TANC2: variants seen among roughly 807,000 people sequenced by gnomAD.
The protein encoded by TANC2 is protein TANC2.
Under a neutral mutation model 210.5 loss-of-function variants are expected in TANC2, and 26 were observed. That is an observed-to-expected ratio of 0.12 (90% confidence interval 0.09 to 0.17). The LOEUF is 0.17. Ranked by LOEUF, TANC2 falls within the 10% of genes least tolerant of loss-of-function variation. The probability of loss-of-function intolerance (pLI) is 1.00; values close to 1 mark genes in which losing one functional copy is unlikely to be tolerated. For missense variants in TANC2, 2,129 were observed against 2,608.9 expected (o/e 0.82, Z 4.01); for synonymous variants, 931 against 967.1 (o/e 0.96, Z 0.69).
intron 6 of TANC2, among the ~76,000 whole-genome samples, chr17:63,199,086 G>A (rs897718355): frequency 6.6e-6 from 1 of 152,130 alleles, no homozygotes; most frequent in Admixed American, 6.5e-5. Flanking sequence ...CAACAGAGAT[G>A]ATTAAACACA....
Position 63,420,585 on chromosome 17 carries a change from C to T in TANC2, c.4855C>T (p.Pro1619Ser), listed in dbSNP as rs866965328. 3 of 1,613,926 alleles carry T rather than the reference C, an allele frequency of 1.9e-6. No homozygotes were observed. Among genetic ancestry groups the T allele is most frequent in the East Asian group, 2.2e-5 (1 of 44,860 alleles). The change falls in exon 28 of 28, where the codon CCT becomes TCT. Residue 1619 changes from proline (P) to serine (S), a missense_variant. Physicochemically the swap from Pro to Ser is moderately conservative, Grantham distance 74 (BLOSUM62 -1). Around this residue, in one of 5 missense-constraint regions of TANC2, gnomAD observed 584 missense variants for 627.3 expected, o/e 0.93. Transcript: ENST00000689528. This position sits in a 1 kb window ranked among gnomAD's most constrained non-coding sequence, Gnocchi z 4.2. The stretch of plus-strand genomic sequence containing the variant: ...AGAATACCCAAGCCCTCCCCCTTCC[C>T]CTCTCCGGAGAGGCCCTCAGTATCG...
intron 5 of TANC2, among the ~76,000 whole-genome samples, chr17:63,167,903 A>G (rs967316298): frequency 6.0e-5 from 9 of 151,162 alleles, no homozygotes; most frequent in Non-Finnish European, 7.4e-5. Context: ...AAAAAAAAAA[A>G]AAAAAAGAAA....
At chr17:63,068,825 A>G (rs1043873981) in intron 2 of TANC2, among the ~76,000 whole-genome samples, 3 of 152,292 alleles carry the variant, frequency 2.0e-5, no homozygotes, top group East Asian at 1.9e-4. Context: ...ATTTCAAAAC[A>G]TAAGTATTAA....
intron 4 of TANC2, among the ~76,000 whole-genome samples, chr17:63,104,715 GA>G (rs1310069021): frequency 6.6e-6 from 1 of 152,156 alleles, no homozygotes; most frequent in Non-Finnish European, 1.5e-5. Context: ...AGCCTAGAGA[GA>G]TAACTCTTAC....
At chr17:63,033,261 T>C (rs986672317) in intron 2 of TANC2, among the ~76,000 whole-genome samples, 1 of 152,168 alleles carries the variant, frequency 6.6e-6, no homozygotes, top group African/African-American at 2.4e-5. Context: ...CAATCTCCAG[T>C]CCTTTTCCGT....
chr17:63,392,770 A>C (rs900036586), intron 17 of TANC2, among the ~76,000 whole-genome samples: 2 of 152,240 alleles, frequency 1.3e-5, no homozygotes, highest in Admixed American at 1.3e-4. Context: ...CATTGCATAC[A>C]TGTATCAAAA....
At chr17:63,031,702 C>T (rs1193312617) in intron 2 of TANC2, among the ~76,000 whole-genome samples, 2 of 151,930 alleles carry the variant, frequency 1.3e-5, no homozygotes, top group Non-Finnish European at 2.9e-5. Flanking sequence ...TAATGTGGAC[C>T]AAGTAGAGTA....
chr17:63,168,460 C>T (rs181994032), intron 5 of TANC2, among the ~76,000 whole-genome samples: 4 of 152,236 alleles, frequency 2.6e-5, no homozygotes, highest in Admixed American at 2.0e-4. Flanking sequence ...GTTCTCTGGA[C>T]CCTTCACAGT....
chr17:63,133,130 C>A, intron 4 of TANC2, among the ~76,000 whole-genome samples: 1 of 152,256 alleles, frequency 6.6e-6, no homozygotes, highest in Non-Finnish European at 1.5e-5. Context: ...TGTGCCACCA[C>A]GCCTGGCTAA....
At chr17:63,276,700 A>G (rs913886043) in intron 9 of TANC2, among the ~76,000 whole-genome samples, 1 of 152,032 alleles carries the variant, frequency 6.6e-6, no homozygotes, top group East Asian at 1.9e-4. Flanking sequence ...TTATCCCCAC[A>G]TTAATAGAAG....
chr17:63,080,748 C>T (rs1568368085), intron 3 of TANC2, among the ~76,000 whole-genome samples: 2 of 151,938 alleles, frequency 1.3e-5, no homozygotes, highest in East Asian at 1.9e-4. Flanking sequence ...TGGTTAATTA[C>T]GTAGAGTGAC....
chr17:63,394,924 G>C (rs1309642718), intron 17 of TANC2, among the ~76,000 whole-genome samples: 1 of 152,168 alleles, frequency 6.6e-6, no homozygotes, highest in African/African-American at 2.4e-5. Flanking sequence ...TCTGTATTCA[G>C]TAAATATTCA....
At chr17:63,417,471 C>A (rs1246078294) in intron 26 of TANC2, among the ~76,000 whole-genome samples, 1 of 152,172 alleles carries the variant, frequency 6.6e-6, no homozygotes, top group East Asian at 1.9e-4. Context: ...GAATGACATG[C>A]CTGTGAGCGT....
rs1819695545 is a variant in TANC2 at position 63,338,670 on chromosome 17, A to G, written c.1576-1431A>G. ...ATAAAATACAGTAGGTAAAATAATCACCAGTCTATCTGAAGAAAAGTGGAG... is the reference window on the plus strand; with the variant it reads ...ATAAAATACAGTAGGTAAAATAATCGCCAGTCTATCTGAAGAAAAGTGGAG... On this transcript the variant is annotated intron_variant, in intron 11 of 27. Coordinates refer to ENST00000689528, the Ensembl canonical transcript of TANC2. Among the ~76,000 whole-genome samples the G allele has an allele frequency of 2.0e-5, 3 of 152,318 alleles. No individual in the cohort carries two copies. The South Asian group carries it at 6.2e-4, about 32-fold the overall frequency.
chr17:63,065,384 A>G (rs1248228468), intron 2 of TANC2, among the ~76,000 whole-genome samples: 7 of 152,226 alleles, frequency 4.6e-5, no homozygotes, highest in Non-Finnish European at 2.9e-5. Context: ...GAGTGCAGAT[A>G]TCTTTTTGAC....
At chr17:63,354,486 G>A (rs930080714) in intron 13 of TANC2, among the ~76,000 whole-genome samples, 1 of 152,134 alleles carries the variant, frequency 6.6e-6, no homozygotes, top group African/African-American at 2.4e-5. Flanking sequence ...GAGTTATACA[G>A]TGCTCCGTTT....
At chr17:63,098,198 T>C (rs2037460785) in intron 3 of TANC2, among the ~76,000 whole-genome samples, 1 of 152,108 alleles carries the variant, frequency 6.6e-6, no homozygotes, top group Non-Finnish European at 1.5e-5. Context: ...ATTTGAGACC[T>C]ACGATGATAT....
chr17:63,227,779 G>A (rs2145979297), intron 7 of TANC2, among the ~76,000 whole-genome samples: 1 of 152,154 alleles, frequency 6.6e-6, no homozygotes, highest in Non-Finnish European at 1.5e-5. Context: ...GTTAATTTTT[G>A]TATAAGGTAT....
intron 2 of TANC2, among the ~76,000 whole-genome samples, chr17:63,014,973 A>T (rs1284431887): frequency 6.6e-6 from 1 of 152,158 alleles, no homozygotes; most frequent in African/African-American, 2.4e-5. Context: ...AATAAATGTT[A>T]TATTAAGAGA....
Sources: allele counts gnomAD v4.1 joint callset (sites outside exome capture counted in the v4.1 genomes callset), GRCh38; gene constraint gnomAD v4.1.1; regional missense constraint gnomAD v4.1.1; non-coding constraint Gnocchi (gnomAD v3.1); transcripts MANE v1.5; gene names NCBI Gene and HGNC (gene_info 2026-07-23, HGNC 2026-07-21).